Variants in SYTL5 observed in about 807,000 individuals in gnomAD.
SYTL5 encodes the protein synaptotagmin like 5.
SYTL5 carries 34 observed loss-of-function variants against 55.9 expected under a neutral mutation model. That is an observed-to-expected ratio of 0.61 (90% CI 0.46 to 0.81). The LOEUF is 0.81. Ranked by LOEUF, SYTL5 falls within the 30% of genes least tolerant of loss-of-function variation. The pLI is 0.00. For synonymous variants in SYTL5, 221 were observed against 188.7 expected, an observed-to-expected ratio of 1.17 and a Z score of -1.40; for missense variants, 637 against 546.7, an observed-to-expected ratio of 1.17 and a Z score of -1.65.
the SYTL5 span, among the ~76,000 whole-genome samples, chrX:37,969,481 G>T: frequency 9.0e-3 from 1,000 of 111,591 alleles, 8 homozygotes; most frequent in South Asian, 0.016. Flanking sequence ...CACATATAAA[G>T]ATCGAGATAT....
chrX:38,116,068 C>A (rs964824596), intron 13 of SYTL5, among the ~76,000 whole-genome samples: 2 of 111,714 alleles, frequency 1.8e-5, no homozygotes, highest in African/African-American at 6.5e-5. Flanking sequence ...TTTACAGTTT[C>A]AGGTCTCATG....
the SYTL5 span, chrX:37,991,304 T>C: frequency 6.5e-6 from 7 of 1,079,993 alleles, no homozygotes; most frequent in Non-Finnish European, 8.6e-6. Context: ...TTAAAGGATG[T>C]AAATCCATGA....
At chrX:37,969,085 C>A in the SYTL5 span, among the ~76,000 whole-genome samples, 2 of 111,494 alleles carry the variant, frequency 1.8e-5, no homozygotes, top group African/African-American at 6.5e-5. Flanking sequence ...TTAGTTTTAT[C>A]CGTATAAGTT....
chrX:38,030,872 G>C (rs932787509), intron 1 of SYTL5, among the ~76,000 whole-genome samples: 1 of 112,288 alleles, frequency 8.9e-6, no homozygotes, highest in African/African-American at 3.2e-5. Flanking sequence ...GAATTCCAAA[G>C]TTCCTGCTCT....
At chrX:38,083,486 T>C (rs1275603189) in intron 6 of SYTL5, among the ~76,000 whole-genome samples, 3 of 111,932 alleles carry the variant, frequency 2.7e-5, no homozygotes, top group Non-Finnish European at 3.8e-5. Context: ...ACAATTTCAT[T>C]GAGTGCCCAC....
the SYTL5 span, among the ~76,000 whole-genome samples, chrX:37,968,640 C>T: frequency 3.8e-4 from 42 of 111,361 alleles, no homozygotes; most frequent in Non-Finnish European, 7.0e-4. Context: ...AATATATTAA[C>T]GGTTTCATCT....
intron 9 of SYTL5, among the ~76,000 whole-genome samples, chrX:38,097,819 A>C (rs1936975267): frequency 9.2e-6 from 1 of 109,229 alleles, no homozygotes; most frequent in African/African-American, 3.3e-5. Flanking sequence ...AGTTATAGCT[A>C]TCAGTACAAC....
chrX:38,065,358 G>T (rs1187576603), intron 3 of SYTL5, among the ~76,000 whole-genome samples: 1 of 111,174 alleles, frequency 9.0e-6, no homozygotes, highest in Non-Finnish European at 1.9e-5. Flanking sequence ...GTCTTTAAAA[G>T]TTCCTTTAGT....
chrX:37,892,465 C>CATATGTGT, the SYTL5 span, among the ~76,000 whole-genome samples: 1 of 100,527 alleles, frequency 9.9e-6, no homozygotes, highest in Admixed American at 1.1e-4. Flanking sequence ...ACATATACTA[C>CATATGTGT]ATATGTGTAT....
intron 3 of SYTL5, among the ~76,000 whole-genome samples, chrX:38,058,862 G>A (rs1935862450): frequency 9.0e-6 from 1 of 110,728 alleles, no homozygotes; most frequent in Non-Finnish European, 1.9e-5. Flanking sequence ...ACTTCTCAGG[G>A]AATATCTCTT....
the SYTL5 span, among the ~76,000 whole-genome samples, chrX:37,916,017 A>G: frequency 9.0e-6 from 1 of 111,056 alleles, no homozygotes. Context: ...AATAATAGCT[A>G]CCATTTATTG....
At chrX:38,045,961 T>A (rs1208287605) in intron 2 of SYTL5, among the ~76,000 whole-genome samples, 3 of 111,877 alleles carry the variant, frequency 2.7e-5, no homozygotes, top group Non-Finnish European at 5.6e-5. Flanking sequence ...GGCTTAACTT[T>A]GAGTGTGCTC....
At chrX:38,076,070 G>C (rs1439553218) in intron 5 of SYTL5, among the ~76,000 whole-genome samples, 1 of 111,905 alleles carries the variant, frequency 8.9e-6, no homozygotes, top group Non-Finnish European at 1.9e-5. Flanking sequence ...GAGTTGGTTG[G>C]ATTCCAGTAT....
At chrX:38,052,693 A>AGGCCTTTGTTCC (rs1475219567) in intron 2 of SYTL5, among the ~76,000 whole-genome samples, 1 of 112,420 alleles carries the variant, frequency 8.9e-6, no homozygotes, top group Non-Finnish European at 1.9e-5. Flanking sequence ...CAATAAACTA[A>AGGCCTTTGTTCC]GGCCTTTGTT....
intron 1 of SYTL5, among the ~76,000 whole-genome samples, chrX:38,014,202 T>C (rs1569155665): frequency 8.9e-6 from 1 of 112,171 alleles, no homozygotes. Context: ...CACCTGTGTG[T>C]TATGTTGTAT....
At chrX:38,045,149 G>A (rs6520969) in intron 2 of SYTL5, among the ~76,000 whole-genome samples, 26,007 of 111,246 alleles carry the variant, frequency 0.23, 5,310 homozygotes, top group African/African-American at 0.66. Context: ...ATCTAAGCAA[G>A]GGTGAGAAGT....
At chrX:38,009,372 A>G (rs1934104458) in intron 1 of SYTL5, among the ~76,000 whole-genome samples, 2 of 112,061 alleles carry the variant, frequency 1.8e-5, no homozygotes, top group African/African-American at 6.5e-5. Context: ...GACATTCATC[A>G]TGATTGTAGC....
At chrX:37,980,480 C>G in the SYTL5 span, among the ~76,000 whole-genome samples, 2 of 112,367 alleles carry the variant, frequency 1.8e-5, no homozygotes, top group Non-Finnish European at 3.8e-5. Flanking sequence ...CACTTAAAAT[C>G]TCTAGAAATG....
At chrX:38,041,764 G>C (rs186746579) in intron 2 of SYTL5, among the ~76,000 whole-genome samples, 1 of 112,404 alleles carries the variant, frequency 8.9e-6, no homozygotes, top group East Asian at 2.8e-4. Flanking sequence ...CTGATATTCA[G>C]AGACATGTTA....
Sources: allele counts gnomAD v4.1 joint callset (sites outside exome capture counted in the v4.1 genomes callset), GRCh38; gene constraint gnomAD v4.1.1; transcripts MANE v1.5; gene names NCBI Gene and HGNC (gene_info 2026-07-23, HGNC 2026-07-21).